The following AOPEP variants were observed in gnomAD, a reference collection of about 807,000 sequenced individuals.
AOPEP encodes the protein aminopeptidase O (putative).
AOPEP carries 77 observed loss-of-function variants against 98.1 expected under a neutral mutation model. The observed-to-expected ratio is 0.78, with a 90% CI of 0.65 to 0.95. AOPEP has a LOEUF of 0.95. AOPEP is among the 40% of genes least tolerant of loss of function. The pLI is 0.00. For synonymous variants in AOPEP, 346 were observed against 365.3 expected, an observed-to-expected ratio of 0.95 and a Z score of 0.60; for missense variants, 1,024 against 1,024.7, an observed-to-expected ratio of 1.00 and a Z score of 0.01.
In AOPEP at chr9:94,897,791, G is replaced by A. The variant is rs554983399; in HGVS notation, c.1365-26195G>A. The stretch of plus-strand genomic sequence containing the variant: ...TTTTTGTGGGGATAGAAATTGTTGT[G>A]ACTTCTTTGAGGGCCATTTGCAGTA... On this transcript the variant is annotated intron_variant, in intron 5 of 16. Transcript: ENST00000375315. Among the ~76,000 whole-genome samples the A allele has an allele frequency of 4.0e-5, 6 of 150,222 alleles. No individual in the cohort carries two copies. In the South Asian group the frequency reaches 8.5e-4, roughly 21 times the overall value.
chr9:95,005,175 T>A lies in AOPEP; in HGVS notation c.1995T>A (p.Arg665=). The change falls in exon 12 of 17, where the codon CGT becomes CGA. Residue 665 remains arginine (R), a synonymous_variant. Coordinates refer to ENST00000375315, the MANE Select transcript of AOPEP (RefSeq NM_001193329.3). ...CCCCGCAGCCGCTGCAGAGGGAGCGTCGCGCCGGGGCGGAGTGCGGGCTTG... is the reference window on the plus strand; with the variant it reads ...CCCCGCAGCCGCTGCAGAGGGAGCGACGCGCCGGGGCGGAGTGCGGGCTTG... ...SGIPKPLQRE[R]RAGAECGLAR... The A allele has an allele frequency of 8.7e-7, 1 of 1,152,350 alleles. No homozygotes were observed. 71.4% of individuals were successfully genotyped at this position (1,152,350 alleles called of 1,614,324 possible).
At chr9:94,815,772 C>T (rs755302934) in intron 5 of AOPEP, among the ~76,000 whole-genome samples, 2 of 152,122 alleles carry the variant, frequency 1.3e-5, no homozygotes, top group African/African-American at 4.8e-5. Flanking sequence ...CCTGAGGTTG[C>T]AGGGTGCTGC....
At chr9:94,977,609 G>A (rs1031448289) in intron 10 of AOPEP, among the ~76,000 whole-genome samples, 29 of 152,188 alleles carry the variant, frequency 1.9e-4, no homozygotes, top group Admixed American at 3.9e-4. Flanking sequence ...ACACACACAC[G>A]GATACACATG....
the AOPEP span, chr9:95,114,544 C>T: frequency 1.6e-6 from 2 of 1,214,264 alleles, no homozygotes; most frequent in Non-Finnish European, 1.2e-6. Flanking sequence ...TAATGCCTTC[C>T]TCTGTCAGCC....
chr9:94,977,468 C>G (rs1323281386), intron 10 of AOPEP, among the ~76,000 whole-genome samples: 1 of 152,124 alleles, frequency 6.6e-6, no homozygotes, highest in African/African-American at 2.4e-5. Context: ...ACTGCTCTGG[C>G]AAATTGCTAC....
the AOPEP span, chr9:95,127,084 T>C: frequency 6.1e-6 from 1 of 162,678 alleles, no homozygotes; most frequent in South Asian, 1.7e-4. Flanking sequence ...CTAAATCACA[T>C]CACATCTTAA....
At chr9:95,012,985 T>TGG (rs2062661091) in intron 13 of AOPEP, among the ~76,000 whole-genome samples, 1 of 98,848 alleles carries the variant, frequency 1.0e-5, no homozygotes, top group Non-Finnish European at 2.2e-5. Flanking sequence ...CTGTTTTTTT[T>TGG]TTGGGGGGGG....
chr9:95,015,174 G>A (rs2062871688), intron 13 of AOPEP, among the ~76,000 whole-genome samples: 1 of 152,164 alleles, frequency 6.6e-6, no homozygotes, highest in Admixed American at 6.5e-5. Context: ...AATTATGGTG[G>A]GAAATTGGAT....
intron 5 of AOPEP, among the ~76,000 whole-genome samples, chr9:94,859,836 A>T (rs946749068): frequency 1.3e-5 from 2 of 152,238 alleles, no homozygotes; most frequent in Non-Finnish European, 2.9e-5. Context: ...AATGACAGGC[A>T]CTATTATACT....
At chr9:94,986,657 C>A (rs140686393) in intron 11 of AOPEP, among the ~76,000 whole-genome samples, 1 of 152,102 alleles carries the variant, frequency 6.6e-6, no homozygotes, top group African/African-American at 2.4e-5. Flanking sequence ...GTCCATTCCC[C>A]CAGAAAGTGG....
chr9:95,073,674 T>C (rs1209033976), intron 14 of AOPEP, among the ~76,000 whole-genome samples: 1 of 152,014 alleles, frequency 6.6e-6, no homozygotes, highest in Non-Finnish European at 1.5e-5. Flanking sequence ...CTGGCCAACA[T>C]GGTGAAACCC....
At chr9:94,730,583 A>G (rs773548359) in intron 1 of AOPEP, among the ~76,000 whole-genome samples, 9 of 152,210 alleles carry the variant, frequency 5.9e-5, no homozygotes, top group Non-Finnish European at 1.2e-4. Flanking sequence ...TCTATTTTAC[A>G]TTGAGATTTA....
In AOPEP at chr9:94,800,821, C is replaced by G. The variant is rs758116117; in HGVS notation, c.1183C>G (p.Gln395Glu). The stretch of plus-strand genomic sequence containing the variant: ...CTTCCAGAATGCTTCTGCCACCACC[C>G]AGGAGATCATTCCTCATCGGGTCTT... ...CRFQNASATT[Q>E]EIIPHRVFAP... Residue 395 changes from glutamine to glutamate, a missense_variant, in exon 5 of 17, where the codon CAG becomes GAG. Physicochemically the swap from Gln to Glu is conservative, Grantham distance 29 (BLOSUM62 2). Transcript: ENST00000375315. 1.9e-5 allele frequency: 31 copies of G among 1,614,070 alleles called. No individual in the cohort carries two copies. Among genetic ancestry groups the G allele is most frequent in the African/African-American group, 2.7e-5 (2 of 74,930 alleles).
In AOPEP at chr9:94,905,496, T is replaced by C. The variant is rs372770922; in HGVS notation, c.1365-18490T>C. ...AAAATAAGGAAAAGGACTAAAATTT[T>C]GATTTCAAATTCTAGTTTTATCAAA... On this transcript the variant is annotated intron_variant, in intron 5 of 16. Coordinates refer to ENST00000375315, the MANE Select transcript of AOPEP (RefSeq NM_001193329.3). Among the ~76,000 whole-genome samples, 11 of 152,358 alleles carry C rather than the reference T, an allele frequency of 7.2e-5. No individual in the cohort carries two copies. In the East Asian group the frequency reaches 1.3e-3, roughly 19 times the overall value.
At chr9:94,836,172 C>T (rs1401509626) in intron 5 of AOPEP, among the ~76,000 whole-genome samples, 2 of 152,268 alleles carry the variant, frequency 1.3e-5, no homozygotes, top group Admixed American at 6.5e-5. Context: ...TTAAGACATA[C>T]ATAGAGCTCC....
chr9:94,929,353 T>C (rs1386173894), intron 7 of AOPEP, among the ~76,000 whole-genome samples: 1 of 152,238 alleles, frequency 6.6e-6, no homozygotes, highest in Non-Finnish European at 1.5e-5. Context: ...TGGATGGTTC[T>C]GCTGTTGTTG....
chr9:94,889,449 A>G (rs1260075198), intron 5 of AOPEP, among the ~76,000 whole-genome samples: 1 of 152,232 alleles, frequency 6.6e-6, no homozygotes, highest in East Asian at 1.9e-4. Flanking sequence ...GGATGTTACA[A>G]ATAAAACTGT....
At chr9:94,927,544 C>A (rs2054546327) in intron 6 of AOPEP, among the ~76,000 whole-genome samples, 2 of 152,212 alleles carry the variant, frequency 1.3e-5, no homozygotes, top group African/African-American at 4.8e-5. Flanking sequence ...CCGGCCGACT[C>A]CTCCTTCCCT....
the AOPEP span, among the ~76,000 whole-genome samples, chr9:95,130,299 TGA>T: frequency 7.5e-4 from 111 of 148,676 alleles, no homozygotes; most frequent in Middle Eastern, 0.01. Flanking sequence ...TGTGTGTGTG[TGA>T]GAGAGAGAGA....
Sources: allele counts gnomAD v4.1 joint callset (sites outside exome capture counted in the v4.1 genomes callset), GRCh38; gene constraint gnomAD v4.1.1; transcripts MANE v1.5; gene names NCBI Gene and HGNC (gene_info 2026-07-23, HGNC 2026-07-21).